ACTN1: variants seen among roughly 807,000 people sequenced by gnomAD.
ACTN1 encodes the protein actinin alpha 1, also known as alpha-actinin-1.
ACTN1 carries 30 observed loss-of-function variants against 119.6 expected under a neutral mutation model. The ratio of observed to expected loss-of-function variants is 0.25; its 90% CI spans 0.19 to 0.34. The LOEUF is 0.34. ACTN1 is among the 10% of genes least tolerant of loss of function. The pLI, the probability that ACTN1 is intolerant of heterozygous loss-of-function variation, is 1.00. For missense variants in ACTN1, 764 were observed against 1,223.4 expected (o/e 0.62, Z 5.60); for synonymous variants, 429 against 472.6 (o/e 0.91, Z 1.20).
rs1450088086 is a variant in ACTN1, at chr14:68,979,051, G to A, written c.6C>T (p.Asp2=). The change falls in exon 1 of 22, where the codon GAC becomes GAT. Residue 2 remains aspartate, a synonymous_variant. Transcript: ENST00000394419. M[D]HYDSQQTNDY... is the part of the protein sequence containing the mutation. The stretch of plus-strand genomic sequence containing the variant: ...CGTTGGTTTGCTGAGAATCATAATG[G>A]TCCATGATGGTGCGCGCGTGCTAGG... 1 of 1,589,432 alleles carries A rather than the reference G, an allele frequency of 6.3e-7. No individual in the cohort carries two copies. Among genetic ancestry groups the A allele is most frequent in the South Asian group, 1.1e-5 (1 of 88,804 alleles).
At position 68,875,025 on chromosome 14, in the gene ACTN1, G is replaced by A. The variant is rs369475970; in HGVS notation, c.2587-8C>T. The A allele has an allele frequency of 4.3e-6, 7 of 1,612,392 alleles. No individual in the cohort carries two copies. Among genetic ancestry groups the A allele is most frequent in the Admixed American group, 3.3e-5 (2 of 59,994 alleles). On this transcript the variant is annotated splice_polypyrimidine_tract_variant and splice_region_variant and intron_variant, in intron 21 of 21. Transcript: ENST00000394419. ...GTCCATGGTAATGTAGTTCTGCGAG[G>A]AGAGAGTGGTCAGGAAGGCCGCAAA...
intron 6 of ACTN1, among the ~76,000 whole-genome samples, chr14:68,908,409 T>C (rs2033799125): frequency 6.6e-6 from 1 of 152,200 alleles, no homozygotes; most frequent in South Asian, 2.1e-4. Context: ...AGAGCTACAC[T>C]GAACACTGTG....
At chr14:68,966,462 G>A (rs1187755373) in intron 1 of ACTN1, among the ~76,000 whole-genome samples, 1 of 152,124 alleles carries the variant, frequency 6.6e-6, no homozygotes, top group Non-Finnish European at 1.5e-5. Flanking sequence ...GGCAGCACTA[G>A]GACAAGACCT....
chr14:68,935,687 G>C (rs1016515332), intron 1 of ACTN1, among the ~76,000 whole-genome samples: 2 of 152,092 alleles, frequency 1.3e-5, no homozygotes, highest in Admixed American at 6.5e-5. Flanking sequence ...CACCCGGCTA[G>C]AGCGCTCTAT....
At chr14:68,927,049 T>C (rs1287940983) in intron 1 of ACTN1, among the ~76,000 whole-genome samples, 1 of 152,182 alleles carries the variant, frequency 6.6e-6, no homozygotes, top group Non-Finnish European at 1.5e-5. Flanking sequence ...TCTCTCTCCC[T>C]GCAAACATAT....
chr14:68,944,047 G>A (rs1204541113), intron 1 of ACTN1, among the ~76,000 whole-genome samples: 1 of 152,186 alleles, frequency 6.6e-6, no homozygotes, highest in Non-Finnish European at 1.5e-5. Flanking sequence ...TGAGCCCAGT[G>A]GACTGGGGAG....
rs904786149 is a variant in ACTN1 at position 68,950,988 on chromosome 14, G to C, written c.106-25316C>G. Reference sequence around the variant, plus strand: ...TTAGAGGGGGGCAATGTTATCACCTGCCTGCCCTCCTTGCCACCAGCACCA... The same window carrying C: ...TTAGAGGGGGGCAATGTTATCACCTCCCTGCCCTCCTTGCCACCAGCACCA... On this transcript the variant is annotated intron_variant, in intron 1 of 21. Coordinates refer to ENST00000394419, the MANE Select transcript of ACTN1 (RefSeq NM_001130004.2). Among the ~76,000 whole-genome samples the C allele has an allele frequency of 4.6e-5, 7 of 152,332 alleles. No homozygotes were observed. The East Asian group carries it at 1.2e-3, about 25-fold the overall frequency.
intron 6 of ACTN1, among the ~76,000 whole-genome samples, chr14:68,906,527 A>ACT (rs1477125327): frequency 6.6e-6 from 1 of 152,238 alleles, no homozygotes; most frequent in Non-Finnish European, 1.5e-5. Context: ...CAGGAGGATG[A>ACT]ACACTGCCGA....
chr14:68,877,009 C>T, intron 21 of ACTN1, 73 bp downstream of exon 21: 1 of 1,564,328 alleles, frequency 6.4e-7, no homozygotes, highest in Non-Finnish European at 8.7e-7. Context: ...CATGTTCCAG[C>T]TCTCACCCCT....
Position 68,909,865 on chromosome 14 carries a change from A to G in ACTN1, c.515+90T>C. 1 of 1,121,168 alleles carries G rather than the reference A, an allele frequency of 8.9e-7. No individual in the cohort carries two copies. Among genetic ancestry groups the G allele is most frequent in the Non-Finnish European group, 1.3e-6 (1 of 757,504 alleles). The allele number at this position is 1,121,168 out of a possible 1,614,324, so 69.5% of individuals were successfully genotyped here. On this transcript the variant is annotated intron_variant, in intron 5 of 21. Transcript: ENST00000394419. The surrounding 1 kb of genome is among the most constrained non-coding windows in gnomAD (Gnocchi z 4.1). Reference sequence around the variant, plus strand: ...CCCCCAGAGGTCTCCACTTTGTTCTAAAGCTGAGACTGACCCAGCCAAGGG... The same window carrying G: ...CCCCCAGAGGTCTCCACTTTGTTCTGAAGCTGAGACTGACCCAGCCAAGGG...
At chr14:68,937,037 C>T (rs750444834) in intron 1 of ACTN1, among the ~76,000 whole-genome samples, 14 of 152,090 alleles carry the variant, frequency 9.2e-5, no homozygotes, top group Non-Finnish European at 1.8e-4. Context: ...TTTGGATTCT[C>T]GCTCTTGTAT....
At chr14:68,964,397 T>C (rs1323537849) in intron 1 of ACTN1, among the ~76,000 whole-genome samples, 1 of 152,220 alleles carries the variant, frequency 6.6e-6, no homozygotes, top group Non-Finnish European at 1.5e-5. Flanking sequence ...GCCACTTCCC[T>C]GGTGCACAGG....
chr14:68,966,621 A>G (rs1365188720), intron 1 of ACTN1, among the ~76,000 whole-genome samples: 2 of 152,178 alleles, frequency 1.3e-5, no homozygotes, highest in Non-Finnish European at 2.9e-5. Flanking sequence ...TGCCACTCCC[A>G]AAGTCCCAAC....
chr14:68,916,835 T>C (rs1333828336), intron 3 of ACTN1, among the ~76,000 whole-genome samples: 1 of 152,164 alleles, frequency 6.6e-6, no homozygotes, highest in East Asian at 1.9e-4. Flanking sequence ...TGGGAACATG[T>C]TTCTCCCTCC....
intron 1 of ACTN1, among the ~76,000 whole-genome samples, chr14:68,940,050 G>T (rs991292087): frequency 1.3e-5 from 2 of 152,170 alleles, no homozygotes; most frequent in Non-Finnish European, 2.9e-5. Flanking sequence ...AGTGGCACCC[G>T]CTCCGGGAGG....
In ACTN1 at chr14:68,883,260, G is replaced by T. The variant is rs2031722419; in HGVS notation, c.1636-205C>A. 5.1e-6 allele frequency: 3 copies of T among 592,518 alleles called. No individual in the cohort carries two copies. The East Asian group carries it at 8.5e-5, about 17-fold the overall frequency. The allele number at this position is 592,518 out of a possible 1,614,324, so 36.7% of individuals were successfully genotyped here. On this transcript the variant is annotated intron_variant, in intron 14 of 21. Transcript: ENST00000394419. The stretch of plus-strand genomic sequence containing the variant: ...CAAAAGCAACAGCTTCATCCTTAGG[G>T]CTGGTCAAATTAGCAGCAACCTCTC...
Position 68,882,067 on chromosome 14 carries a change from C to G in ACTN1, c.1953+391G>C, listed in dbSNP as rs1319859271. 6.6e-6 allele frequency among the ~76,000 whole-genome samples: 1 copy of G among 151,458 alleles called. No homozygotes were observed. The highest frequency in any genetic ancestry group is 2.4e-5 in the African/African-American group (1 of 41,180). On this transcript the variant is annotated intron_variant, in intron 16 of 21. Transcript: ENST00000394419. This position sits in a 1 kb window ranked among gnomAD's most constrained non-coding sequence, Gnocchi z 4.5. ...TCTCCTGCCTCAGGCTCCCAAGTAGCTGGGATTATAGGCACGCATCATCAC... is the reference window on the plus strand; with the variant it reads ...TCTCCTGCCTCAGGCTCCCAAGTAGGTGGGATTATAGGCACGCATCATCAC...
intron 1 of ACTN1, among the ~76,000 whole-genome samples, chr14:68,958,631 T>G (rs1443276389): frequency 6.6e-6 from 1 of 152,054 alleles, no homozygotes; most frequent in African/African-American, 2.4e-5. Flanking sequence ...AAAACCCAGC[T>G]CCTGGATATT....
intron 1 of ACTN1, among the ~76,000 whole-genome samples, chr14:68,971,335 C>G (rs910309175): frequency 3.3e-5 from 5 of 152,222 alleles, no homozygotes; most frequent in African/African-American, 1.2e-4. Context: ...TTAATAAGTA[C>G]TGGTTGGTTG....
Sources: gnomAD v4.1 joint callset for allele counts (sites outside exome capture counted in the v4.1 genomes callset) on GRCh38, gnomAD v4.1.1 for gene constraint, Gnocchi (gnomAD v3.1) non-coding constraint, MANE v1.5 for transcripts, NCBI Gene and HGNC (gene_info 2026-07-23, HGNC 2026-07-21) for gene names.